Variants in CYP4X1 observed in about 807,000 individuals in gnomAD.
CYP4X1 encodes cytochrome P450 family 4 subfamily X member 1.
CYP4X1 carries 44 observed loss-of-function variants against 57.9 expected under a neutral mutation model. That is an observed-to-expected ratio of 0.76 (90% CI 0.60 to 0.98). The LOEUF (loss-of-function observed/expected upper bound fraction) is 0.98, where lower values mean the gene tolerates loss of function less well. CYP4X1 is among the 50% of genes least tolerant of loss of function. The pLI, the probability that CYP4X1 is intolerant of heterozygous loss-of-function variation, is 0.00. For synonymous variants in CYP4X1, 227 were observed against 228.6 expected, an observed-to-expected ratio of 0.99 and a Z score of 0.06; for missense variants, 532 against 623.9, an observed-to-expected ratio of 0.85 and a Z score of 1.57.
At chr1:47,004,516 A>G in the CYP4X1 span, among the ~76,000 whole-genome samples, 2 of 152,200 alleles carry the variant, frequency 1.3e-5, no homozygotes, top group Non-Finnish European at 2.9e-5. Flanking sequence ...ATGTCTGGCC[A>G]TGGCCAGTGA....
chr1:47,027,424 T>C (rs1644079726), intron 1 of CYP4X1, among the ~76,000 whole-genome samples: 1 of 152,220 alleles, frequency 6.6e-6, no homozygotes, highest in South Asian at 2.1e-4. Flanking sequence ...GATACGTGCA[T>C]ACAATGTGCA....
upstream of CYP4X1, among the ~76,000 whole-genome samples, chr1:47,019,395 C>A: frequency 6.6e-6 from 1 of 152,190 alleles, no homozygotes; most frequent in East Asian, 1.9e-4. Context: ...GATAAGAATT[C>A]CTTCATTATC....
At chr1:47,053,809 T>G (rs1051078847), downstream of CYP4X1, among the ~76,000 whole-genome samples, 7 of 152,240 alleles carry the variant, frequency 4.6e-5, no homozygotes, top group Non-Finnish European at 5.9e-5. Flanking sequence ...TTGTAGATTC[T>G]GGATATTAGG....
At chr1:46,981,812 A>T in the CYP4X1 span, among the ~76,000 whole-genome samples, 1 of 152,214 alleles carries the variant, frequency 6.6e-6, no homozygotes, top group Non-Finnish European at 1.5e-5. Flanking sequence ...TTAAACAAGG[A>T]TAAGTTAATG....
the CYP4X1 span, among the ~76,000 whole-genome samples, chr1:46,995,942 C>G: frequency 1.3e-5 from 2 of 152,156 alleles, no homozygotes; most frequent in Non-Finnish European, 2.9e-5. Flanking sequence ...TTATTCACCC[C>G]CTGAGATACA....
At chr1:46,985,775 C>G in the CYP4X1 span, among the ~76,000 whole-genome samples, 1 of 152,146 alleles carries the variant, frequency 6.6e-6, no homozygotes, top group Non-Finnish European at 1.5e-5. Flanking sequence ...GCAGCAGAGA[C>G]GCTTTACTGT....
intron 1 of CYP4X1, among the ~76,000 whole-genome samples, chr1:47,027,162 G>T (rs2148504905): frequency 6.6e-6 from 1 of 151,338 alleles, no homozygotes; most frequent in African/African-American, 2.4e-5. Context: ...ATTCCCTCTT[G>T]ACTGTCACTA....
chr1:46,964,212 G>T, the CYP4X1 span, among the ~76,000 whole-genome samples: 1 of 152,108 alleles, frequency 6.6e-6, no homozygotes, highest in Non-Finnish European at 1.5e-5. Flanking sequence ...GCTCAGATAA[G>T]TTTGATCGTC....
the CYP4X1 span, among the ~76,000 whole-genome samples, chr1:46,982,992 T>C: frequency 0.01 from 1,555 of 152,264 alleles, 35 homozygotes; most frequent in African/African-American, 0.036. Context: ...CCAATCAGAA[T>C]GATCAGCCCA....
chr1:47,039,289 C>A, intron 7 of CYP4X1, 53 bp from the exon 8 acceptor site: 1 of 1,470,866 alleles, frequency 6.8e-7, no homozygotes, highest in Non-Finnish European at 9.1e-7. Context: ...GTTGTATCTC[C>A]AAACATTTAT....
In CYP4X1 at chr1:47,023,986, C is replaced by A; in HGVS notation, c.169C>A (p.His57Asn). 1 of 1,612,290 alleles carries A rather than the reference C, an allele frequency of 6.2e-7. No homozygotes were observed. Among genetic ancestry groups the A allele is most frequent in the Non-Finnish European group, 8.5e-7 (1 of 1,179,572 alleles). Residue 57 changes from histidine to asparagine, a missense_variant, in exon 1 of 12, where the codon CAC (histidine) becomes AAC (asparagine). By Grantham distance (68) the His-to-Asn change is moderately conservative. Coordinates refer to ENST00000371901, the MANE Select transcript of CYP4X1 (RefSeq NM_178033.2). ...GCCCCCCACCCACTGGTTCCTTGGG[C>A]ACCAGAAGGTAGATGGGAGGGAGGA... ...PAPPTHWFLG[H>N]QKFIQDDNME... is the part of the protein sequence containing the mutation.
the CYP4X1 span, among the ~76,000 whole-genome samples, chr1:46,974,746 T>G: frequency 6.6e-6 from 1 of 152,202 alleles, no homozygotes; most frequent in Non-Finnish European, 1.5e-5. Flanking sequence ...GAAATAAGAA[T>G]AGCAACTCCT....
At chr1:47,025,939 T>A (rs559759510) in intron 1 of CYP4X1, among the ~76,000 whole-genome samples, 3 of 152,238 alleles carry the variant, frequency 2.0e-5, no homozygotes, top group African/African-American at 7.2e-5. Context: ...TCTGTTGTTT[T>A]AATTGAATTG....
chr1:46,985,402 G>C, the CYP4X1 span, among the ~76,000 whole-genome samples: 11 of 152,226 alleles, frequency 7.2e-5, no homozygotes, highest in African/African-American at 2.7e-4. Flanking sequence ...CTCCCTGGGA[G>C]AAAGCACCTG....
the CYP4X1 span, among the ~76,000 whole-genome samples, chr1:46,984,992 G>T: frequency 2.0e-5 from 3 of 152,212 alleles, no homozygotes; most frequent in African/African-American, 7.2e-5. Flanking sequence ...GGAGTCTGAG[G>T]TCAACCTGGG....
chr1:47,035,991 C>T (rs768192848), intron 5 of CYP4X1, 26 bp from the exon 6 acceptor site: 1 of 1,610,058 alleles, frequency 6.2e-7, no homozygotes, highest in East Asian at 2.2e-5. Context: ...TGTTTATTAA[C>T]ACATTATCCC....
At chr1:46,989,861 A>C in the CYP4X1 span, among the ~76,000 whole-genome samples, 1 of 152,258 alleles carries the variant, frequency 6.6e-6, no homozygotes, top group Non-Finnish European at 1.5e-5. Flanking sequence ...GAAAGCTGAA[A>C]CTGGATCCCT....
chr1:46,970,187 C>T, the CYP4X1 span, among the ~76,000 whole-genome samples: 1 of 152,008 alleles, frequency 6.6e-6, no homozygotes, highest in Non-Finnish European at 1.5e-5. Context: ...AAAACAAACA[C>T]CTGAAGTTGA....
chr1:47,006,239 T>C, the CYP4X1 span, among the ~76,000 whole-genome samples: 8 of 152,216 alleles, frequency 5.3e-5, no homozygotes, highest in Non-Finnish European at 1.0e-4. Flanking sequence ...GGAAATATGG[T>C]TCTAAAAACT....
Sources: gnomAD v4.1 joint callset for allele counts (sites outside exome capture counted in the v4.1 genomes callset) on GRCh38, gnomAD v4.1.1 for gene constraint, MANE v1.5 for transcripts, NCBI Gene and HGNC (gene_info 2026-07-23, HGNC 2026-07-21) for gene names.